Variants in OSBPL6 observed in about 807,000 individuals in gnomAD.
The protein encoded by OSBPL6 is oxysterol-binding protein-related protein 6.
Under a neutral mutation model 125.8 loss-of-function variants are expected in OSBPL6, and 49 were observed. That is an observed-to-expected ratio of 0.39 (90% CI 0.31 to 0.49). OSBPL6 has a LOEUF of 0.49. Ranked by LOEUF, OSBPL6 falls within the 20% of genes least tolerant of loss-of-function variation. OSBPL6 has a pLI of 0.88. For synonymous variants in OSBPL6, 394 were observed against 391.8 expected (o/e 1.01, Z -0.07); for missense variants, 986 against 1,135.4 (o/e 0.87, Z 1.89).
At chr2:178,220,311 C>T (rs934269248) in intron 1 of OSBPL6, among the ~76,000 whole-genome samples, 1 of 151,958 alleles carries the variant, frequency 6.6e-6, no homozygotes, top group Non-Finnish European at 1.5e-5. Flanking sequence ...GCTGGGGAGG[C>T]GGGTGGACAG....
chr2:178,340,358 A>G (rs1241578609), intron 11 of OSBPL6, among the ~76,000 whole-genome samples: 2 of 152,110 alleles, frequency 1.3e-5, no homozygotes, highest in African/African-American at 4.8e-5. Flanking sequence ...AAATTCTATG[A>G]TCCTACAAAA....
chr2:178,384,818 C>T (rs183088181), intron 18 of OSBPL6, among the ~76,000 whole-genome samples: 25 of 151,616 alleles, frequency 1.6e-4, no homozygotes, highest in African/African-American at 6.1e-4. Context: ...GGGTAAAGAT[C>T]TTGAGGCCCA....
chr2:178,331,303 A>G (rs1433000535), intron 5 of OSBPL6, among the ~76,000 whole-genome samples: 1 of 152,194 alleles, frequency 6.6e-6, no homozygotes, highest in Non-Finnish European at 1.5e-5. Flanking sequence ...AAGAAAAATC[A>G]TGGTGAAAAG....
Position 178,398,303 on chromosome 2 carries a change from G to A in OSBPL6, c.*2744G>A, listed in dbSNP as rs58209496. ...TCTTGTTTTTTCCTAAAAGGATCTAGGATAGAGGAGAACATAATATGCCTG... is the reference window on the plus strand; with the variant it reads ...TCTTGTTTTTTCCTAAAAGGATCTAAGATAGAGGAGAACATAATATGCCTG... On this transcript the variant is annotated 3_prime_UTR_variant, in exon 25 of 25. Coordinates refer to ENST00000190611, the MANE Select transcript of OSBPL6 (RefSeq NM_032523.4). 2.3e-3 allele frequency: 355 copies of A among 152,246 alleles called. 3 individuals carry two copies. The highest frequency in any genetic ancestry group is 8.0e-3 in the African/African-American group (333 of 41,534). 9.4% of individuals were successfully genotyped at this position (152,246 alleles called of 1,614,324 possible). A position where few individuals can be genotyped will look rare whatever the true frequency, so the allele number is the denominator to read the frequency against.
intron 1 of OSBPL6, among the ~76,000 whole-genome samples, chr2:178,283,981 C>T (rs932399245): frequency 3.3e-5 from 5 of 152,160 alleles, no homozygotes; most frequent in Admixed American, 6.6e-5. Flanking sequence ...CCTTCACCAC[C>T]GGGGATCATA....
chr2:178,320,225 C>A, intron 3 of OSBPL6: 1 of 1,575,660 alleles, frequency 6.3e-7, no homozygotes, highest in Non-Finnish European at 8.6e-7. Context: ...GTAAACTAGA[C>A]TACAGTCATG....
At chr2:178,279,678 G>A (rs576375497) in intron 1 of OSBPL6, among the ~76,000 whole-genome samples, 3 of 152,254 alleles carry the variant, frequency 2.0e-5, no homozygotes, top group Admixed American at 6.5e-5. Flanking sequence ...GCACACACAC[G>A]CATGCACGCC....
intron 12 of OSBPL6, 69 bp downstream of exon 12, chr2:178,349,458 T>A (rs539402776): frequency 6.5e-7 from 1 of 1,528,338 alleles, no homozygotes; most frequent in Non-Finnish European, 8.9e-7. Flanking sequence ...CTTTGTTCTT[T>A]TATCTTTGTC....
chr2:178,349,224 G>T lies in OSBPL6; in HGVS notation c.988G>T (p.Val330Phe). 1 of 1,613,770 alleles carries T rather than the reference G, an allele frequency of 6.2e-7. No homozygotes were observed. ...AATAATTTGTATCTTCCCCTTTCAGGTTCCTTTCAGTGCTACCATGTCACC... is the reference window on the plus strand; with the variant it reads ...AATAATTTGTATCTTCCCCTTTCAGTTTCCTTTCAGTGCTACCATGTCACC... Reference protein sequence around the residue: ...VSKDTKIQLQVPFSATMSPVR... With the variant: ...VSKDTKIQLQFPFSATMSPVR... Residue 330 changes from valine to phenylalanine, a missense_variant and splice_region_variant, in exon 12 of 25, where the codon GTT becomes TTT. Physicochemically the swap from Val to Phe is conservative, Grantham distance 50. Around this residue, in one of 3 missense-constraint regions of OSBPL6, gnomAD observed 843 missense variants for 997.3 expected, o/e 0.85. Coordinates refer to ENST00000190611, the MANE Select transcript of OSBPL6 (RefSeq NM_032523.4).
intron 1 of OSBPL6, among the ~76,000 whole-genome samples, chr2:178,239,922 C>T (rs1250852909): frequency 2.0e-5 from 3 of 152,018 alleles, no homozygotes; most frequent in Admixed American, 6.6e-5. Context: ...CCACCGTGCT[C>T]AGCCTGAACT....
intron 1 of OSBPL6, among the ~76,000 whole-genome samples, chr2:178,267,998 T>G (rs1451660296): frequency 1.3e-5 from 2 of 152,142 alleles, no homozygotes; most frequent in Non-Finnish European, 1.5e-5. Context: ...TTGGCATGAA[T>G]GAATTACTGA....
chr2:178,268,240 C>A lies in OSBPL6; in HGVS notation c.-350-16687C>A, dbSNP rs1344962798. On this transcript the variant is annotated intron_variant, in intron 1 of 24. Transcript: ENST00000190611. ...GGGATTACAGGCACCTGCCACCATGCCCAGCTAATTTTTGTATTTTTAGTA... is the reference window on the plus strand; with the variant it reads ...GGGATTACAGGCACCTGCCACCATGACCAGCTAATTTTTGTATTTTTAGTA... Among the ~76,000 whole-genome samples the A allele has an allele frequency of 2.6e-5, 4 of 152,160 alleles. 1 individual carries two copies. The South Asian group carries it at 8.3e-4, about 32-fold the overall frequency.
At chr2:178,212,566 A>T (rs920227141) in intron 1 of OSBPL6, among the ~76,000 whole-genome samples, 2 of 152,262 alleles carry the variant, frequency 1.3e-5, no homozygotes, top group Admixed American at 1.3e-4. Context: ...CAGAAAGTAC[A>T]GCTGGTCCCA....
At position 178,291,706 on chromosome 2, in the gene OSBPL6, T is replaced by C. The variant is rs200084671; in HGVS notation, c.-156+6585T>C. ...CCTTCCTTCCTTCCTTCCTTCCTTC[T>C]TTCCTCCCTCCCTCCCTCCCTCCTT... On this transcript the variant is annotated intron_variant, in intron 2 of 24. Coordinates refer to ENST00000190611, the MANE Select transcript of OSBPL6 (RefSeq NM_032523.4). Among the ~76,000 whole-genome samples the C allele has an allele frequency of 8.3e-3, 485 of 58,266 alleles. 9 individuals are homozygous for C. The highest frequency in any genetic ancestry group is 0.055 in the East Asian group (132 of 2,392). 38.2% of individuals were successfully genotyped at this position (58,266 alleles called of 152,430 possible).
chr2:178,388,852 C>T lies in OSBPL6; in HGVS notation c.2157-157C>T, dbSNP rs528395660. Among the ~76,000 whole-genome samples the T allele has an allele frequency of 4.6e-5, 7 of 152,278 alleles. No homozygotes were observed. In the South Asian group the frequency reaches 1.4e-3, roughly 32 times the overall value. ...TGTTCCTTAAGTGAATTAACCACAT[C>T]GTAAATACTTAATGACCACAGAGAG... On this transcript the variant is annotated intron_variant, in intron 20 of 24. Coordinates refer to ENST00000190611, the MANE Select transcript of OSBPL6 (RefSeq NM_032523.4).
chr2:178,328,510 C>T, intron 5 of OSBPL6, 132 bp downstream of exon 5: 1 of 1,056,622 alleles, frequency 9.5e-7, no homozygotes, highest in South Asian at 1.7e-5. Context: ...TTTTTTGAGA[C>T]AGATTCTCAC....
intron 24 of OSBPL6, 84 bp from the exon 25 acceptor site, chr2:178,395,367 C>A: frequency 1.1e-6 from 1 of 896,402 alleles, no homozygotes; most frequent in Non-Finnish European, 1.8e-6. Flanking sequence ...GCTTATATGT[C>A]CATGTCTAAT....
intron 15 of OSBPL6, among the ~76,000 whole-genome samples, chr2:178,380,811 G>A (rs1192607047): frequency 6.6e-6 from 1 of 152,162 alleles, no homozygotes; most frequent in Admixed American, 6.5e-5. Flanking sequence ...AATGAAATAT[G>A]TTGCCTTTCC....
intron 11 of OSBPL6, chr2:178,344,323 G>T: frequency 6.2e-7 from 1 of 1,614,106 alleles, no homozygotes; most frequent in Non-Finnish European, 8.5e-7. Context: ...AGCACAACTC[G>T]GCGCCGGCAG....
Sources: gnomAD v4.1 joint callset for allele counts (sites outside exome capture counted in the v4.1 genomes callset) on GRCh38, gnomAD v4.1.1 for gene constraint, gnomAD v4.1.1 regional missense constraint, MANE v1.5 for transcripts, NCBI Gene and HGNC (gene_info 2026-07-23, HGNC 2026-07-21) for gene names.